CRPPA: variants seen among roughly 807,000 people sequenced by gnomAD.
CRPPA encodes D-ribitol-5-phosphate cytidylyltransferase.
In CRPPA, 43 loss-of-function variants were observed where a neutral mutation model predicts 52.0. The ratio of observed to expected loss-of-function variants is 0.83; its 90% CI spans 0.65 to 1.07. The LOEUF (loss-of-function observed/expected upper bound fraction) is 1.07. Among genes scored for constraint, CRPPA ranks in the 50% least tolerant of loss-of-function variants. CRPPA has a pLI of 0.00. For synonymous variants in CRPPA, 250 were observed against 203.5 expected, an observed-to-expected ratio of 1.23 and a Z score of -1.94; for missense variants, 629 against 551.7, an observed-to-expected ratio of 1.14 and a Z score of -1.40.
rs565009295 is a variant in CRPPA, at chr7:16,152,277, T to C, written c.1252-60478A>G. 2.6e-5 allele frequency among the ~76,000 whole-genome samples: 4 copies of C among 152,120 alleles called. No homozygotes were observed. In the South Asian group the frequency reaches 8.3e-4, roughly 32 times the overall value. ...AAATATGTGAGATGTTAATTTGATG[T>C]ACATTAAATGTGTACAGAGTATTAT... On this transcript the variant is annotated intron_variant, in intron 9 of 9. Coordinates refer to ENST00000407010, the MANE Select transcript of CRPPA (RefSeq NM_001101426.4).
At chr7:16,167,581 A>C (rs566732444) in intron 9 of CRPPA, among the ~76,000 whole-genome samples, 1 of 152,336 alleles carries the variant, frequency 6.6e-6, no homozygotes, top group East Asian at 1.9e-4. Context: ...GTAGTACAGT[A>C]TAAAAGAAAT....
chr7:16,410,608 C>G (rs536034816), intron 1 of CRPPA, among the ~76,000 whole-genome samples: 1 of 152,298 alleles, frequency 6.6e-6, no homozygotes, highest in South Asian at 2.1e-4. Flanking sequence ...TTCTCAAGCA[C>G]AAATCTGAGG....
At chr7:16,129,322 T>G (rs910282640) in intron 9 of CRPPA, among the ~76,000 whole-genome samples, 1 of 152,074 alleles carries the variant, frequency 6.6e-6, no homozygotes, top group Admixed American at 6.6e-5. Flanking sequence ...ATCTCCTGCC[T>G]AGGTCAAATC....
chr7:16,220,653 G>A (rs1349296706), intron 8 of CRPPA, among the ~76,000 whole-genome samples: 3 of 142,206 alleles, frequency 2.1e-5, no homozygotes, highest in Non-Finnish European at 4.6e-5. Flanking sequence ...ACCAATAACA[G>A]ACAAACAGAG....
chr7:16,242,122 T>C (rs1783133383), intron 8 of CRPPA, among the ~76,000 whole-genome samples: 3 of 151,520 alleles, frequency 2.0e-5, no homozygotes, highest in African/African-American at 7.3e-5. Flanking sequence ...ACCCGGCTAA[T>C]TTTTTGTATT....
chr7:16,227,143 G>A (rs1350136771), intron 8 of CRPPA, among the ~76,000 whole-genome samples: 5 of 151,844 alleles, frequency 3.3e-5, no homozygotes, highest in African/African-American at 1.2e-4. Context: ...TCCATTTGTG[G>A]ACACTTAGGT....
chr7:16,172,474 G>A (rs1298546557), intron 9 of CRPPA, among the ~76,000 whole-genome samples: 1 of 152,204 alleles, frequency 6.6e-6, no homozygotes, highest in African/African-American at 2.4e-5. Flanking sequence ...AATCAGCCAA[G>A]AATATGAGCC....
chr7:16,397,095 G>T (rs965194986), intron 2 of CRPPA, among the ~76,000 whole-genome samples: 1 of 152,242 alleles, frequency 6.6e-6, no homozygotes, highest in African/African-American at 2.4e-5. Flanking sequence ...GAAGACACAC[G>T]TGTGAAATAA....
At chr7:16,414,543 T>C (rs1788147419) in intron 1 of CRPPA, among the ~76,000 whole-genome samples, 1 of 152,210 alleles carries the variant, frequency 6.6e-6, no homozygotes, top group African/African-American at 2.4e-5. Flanking sequence ...GAGTGAATGT[T>C]ATGGTTTAAT....
intron 5 of CRPPA, among the ~76,000 whole-genome samples, chr7:16,286,066 T>TAAA (rs1562608529): frequency 3.9e-5 from 1 of 25,842 alleles, no homozygotes; most frequent in African/African-American, 2.3e-4. Flanking sequence ...TATATATATA[T>TAAA]ATATATATAT....
intron 2 of CRPPA, among the ~76,000 whole-genome samples, chr7:16,380,905 C>T (rs1161997735): frequency 7.3e-5 from 11 of 151,696 alleles, no homozygotes; most frequent in East Asian, 5.8e-4. Flanking sequence ...GTCTTGCTAG[C>T]GGTCTATCAA....
In CRPPA at chr7:16,110,697, G is replaced by A. The variant is rs73291849; in HGVS notation, c.1252-18898C>T. Among the ~76,000 whole-genome samples the A allele has an allele frequency of 3.1e-3, 464 of 152,070 alleles. 2 individuals are homozygous for A. Among genetic ancestry groups the A allele is most frequent in the African/African-American group, 0.01 (432 of 41,492 alleles). On this transcript the variant is annotated intron_variant, in intron 9 of 9. Coordinates refer to ENST00000407010, the MANE Select transcript of CRPPA (RefSeq NM_001101426.4). ...GTGCCAAGAACACATAATGTGAAAC[G>A]GATAATTTTTTTCAATAAATGGTGC...
intron 1 of CRPPA, among the ~76,000 whole-genome samples, chr7:16,418,604 T>C (rs1457206064): frequency 1.3e-5 from 2 of 152,060 alleles, no homozygotes; most frequent in Non-Finnish European, 1.5e-5. Context: ...GGAAGGAGAA[T>C]GAACACAGGA....
At chr7:16,251,338 G>C (rs1046636310) in intron 8 of CRPPA, among the ~76,000 whole-genome samples, 5 of 152,068 alleles carry the variant, frequency 3.3e-5, no homozygotes, top group Admixed American at 1.3e-4. Flanking sequence ...AATTAACAAG[G>C]ATAATGAGGA....
At chr7:16,143,502 G>A (rs1160336890) in intron 9 of CRPPA, among the ~76,000 whole-genome samples, 1 of 152,144 alleles carries the variant, frequency 6.6e-6, no homozygotes, top group Non-Finnish European at 1.5e-5. Flanking sequence ...TACCAACAAG[G>A]TCACTGCCTG....
intron 9 of CRPPA, among the ~76,000 whole-genome samples, chr7:16,115,171 C>G (rs1782345753): frequency 6.6e-6 from 1 of 152,060 alleles, no homozygotes; most frequent in African/African-American, 2.4e-5. Context: ...GTGGCCCTAA[C>G]TAAATTTGGA....
intron 3 of CRPPA, among the ~76,000 whole-genome samples, chr7:16,340,685 A>G (rs776996176): frequency 6.6e-6 from 1 of 151,850 alleles, no homozygotes; most frequent in Non-Finnish European, 1.5e-5. Flanking sequence ...TCCACTTTGG[A>G]AGACAGTTTT....
chr7:16,389,334 A>G (rs1303550223), intron 2 of CRPPA, among the ~76,000 whole-genome samples: 1 of 152,214 alleles, frequency 6.6e-6, no homozygotes, highest in African/African-American at 2.4e-5. Flanking sequence ...AAACAATGCA[A>G]AAACAGATGC....
chr7:16,390,400 T>A (rs1311591806), intron 2 of CRPPA, among the ~76,000 whole-genome samples: 1 of 152,156 alleles, frequency 6.6e-6, no homozygotes, highest in Admixed American at 6.5e-5. Flanking sequence ...TGGAATCTAT[T>A]TCAATCAGGC....
Sources: allele counts gnomAD v4.1 joint callset (sites outside exome capture counted in the v4.1 genomes callset), GRCh38; gene constraint gnomAD v4.1.1; transcripts MANE v1.5; gene names NCBI Gene and HGNC (gene_info 2026-07-23, HGNC 2026-07-21).